Variants in SLC5A10 observed in about 807,000 individuals in gnomAD.
SLC5A10 encodes solute carrier family 5 member 10, also known as sodium/mannose cotransporter SLC5A10.
SLC5A10 carries 55 observed loss-of-function variants against 68.9 expected under a neutral mutation model. The observed-to-expected ratio is 0.80, with a 90% CI of 0.64 to 1.00. The LOEUF (loss-of-function observed/expected upper bound fraction) is 1.00. Ranked by LOEUF, SLC5A10 falls within the 50% of genes least tolerant of loss-of-function variation. The pLI is 0.00. For missense variants in SLC5A10, 732 were observed against 819.3 expected, an observed-to-expected ratio of 0.89 and a Z score of 1.30; for synonymous variants, 344 against 344.8, an observed-to-expected ratio of 1.00 and a Z score of 0.02.
Position 19,015,150 on chromosome 17 carries a change from A to T in SLC5A10, c.1192A>T (p.Arg398Trp), listed in dbSNP as rs767874253. ...SSTLFTMDIW[R>W]RLRPRSGERE... ...CACCCTCTTCACTATGGACATCTGG[A>T]GGCGGCTGCGTCCCCGCTCCGGCGA... Residue 398 changes from arginine to tryptophan, a missense_variant, in exon 11 of 15, where the codon AGG (arginine) becomes TGG (tryptophan). Coordinates refer to ENST00000395645, the MANE Select transcript of SLC5A10 (RefSeq NM_001042450.4). The T allele has an allele frequency of 1.4e-6, 2 of 1,453,176 alleles. No homozygotes were observed. The highest frequency in any genetic ancestry group is 2.9e-5 in the African/African-American group (2 of 69,286). The allele number at this position is 1,453,176 out of a possible 1,614,324, so 90.0% of individuals were successfully genotyped here.
chr17:18,959,729 G>A (rs1473916054), intron 4 of SLC5A10, 66 bp downstream of exon 4: 1 of 1,467,894 alleles, frequency 6.8e-7, no homozygotes, highest in Non-Finnish European at 9.5e-7. Flanking sequence ...GGTAGTAATG[G>A]GCAGGACCAC....
intron 11 of SLC5A10, 165 bp from the exon 12 acceptor site, chr17:19,019,258 C>A: frequency 1.3e-6 from 1 of 783,708 alleles, no homozygotes; most frequent in Non-Finnish European, 2.0e-6. Context: ...TGGAGCAGGG[C>A]AGGACTGGCC....
Position 18,971,008 on chromosome 17 carries a change from T to G in SLC5A10, c.641-5T>G, listed in dbSNP as rs201298825. The G allele has an allele frequency of 7.8e-5, 126 of 1,613,814 alleles. No homozygotes were observed. In the African/African-American group the frequency reaches 1.4e-3, roughly 18 times the overall value. On this transcript the variant is annotated splice_region_variant and splice_polypyrimidine_tract_variant and intron_variant, in intron 7 of 14. Coordinates refer to ENST00000395645, the MANE Select transcript of SLC5A10 (RefSeq NM_001042450.4). This position sits in a 1 kb window ranked among gnomAD's most constrained non-coding sequence, Gnocchi z 5.5. ...ACTGTCCCTGTTCCACCCTGACCCC[T>G]CCAGCTTTTGACCAGATCGGTGGTT... is the stretch of plus-strand genomic sequence containing the variant.
chr17:18,989,375 G>A (rs922324840), intron 9 of SLC5A10, among the ~76,000 whole-genome samples: 15 of 152,224 alleles, frequency 9.9e-5, no homozygotes, highest in Admixed American at 5.2e-4. Flanking sequence ...TGCTGGGGAT[G>A]TGTCTGCACG....
chr17:19,005,048 G>T (rs1844641683), intron 9 of SLC5A10, among the ~76,000 whole-genome samples: 4 of 152,340 alleles, frequency 2.6e-5, no homozygotes, highest in Middle Eastern at 3.4e-3. Context: ...TGCCCCCAGG[G>T]TCTGTTGGTG....
In SLC5A10 at chr17:18,971,102, C is replaced by G. The variant is rs1394733343; in HGVS notation, c.730C>G (p.Leu244Val). 6.2e-7 allele frequency: 1 copy of G among 1,614,122 alleles called. No individual in the cohort carries two copies. Among genetic ancestry groups the G allele is most frequent in the East Asian group, 2.2e-5 (1 of 44,876 alleles). ...SRTIANTTCH[L>V]PRTDAMHMFR... ...GACCATTGCCAACACCACCTGCCAC[C>G]TGCCACGTACAGACGCCATGCACAT... is the stretch of plus-strand genomic sequence containing the variant. Residue 244 changes from leucine to valine, a missense_variant, in exon 8 of 15, where the codon CTG becomes GTG. Coordinates refer to ENST00000395645, the MANE Select transcript of SLC5A10 (RefSeq NM_001042450.4). This position sits in a 1 kb window ranked among gnomAD's most constrained non-coding sequence, Gnocchi z 5.5.
intron 9 of SLC5A10, among the ~76,000 whole-genome samples, chr17:19,007,572 GT>G (rs1242107149): frequency 6.6e-6 from 1 of 151,956 alleles, no homozygotes; most frequent in African/African-American, 2.4e-5. Context: ...CTGGCTAATT[GT>G]TTTTTATTTT....
chr17:18,990,005 C>A (rs563364786), intron 9 of SLC5A10, among the ~76,000 whole-genome samples: 2 of 152,316 alleles, frequency 1.3e-5, no homozygotes, highest in African/African-American at 4.8e-5. Context: ...AACTCCAAGG[C>A]CTAGGGTTCT....
intron 1 of SLC5A10, among the ~76,000 whole-genome samples, chr17:18,957,367 G>T (rs2042524625): frequency 6.6e-6 from 1 of 152,204 alleles, no homozygotes; most frequent in Non-Finnish European, 1.5e-5. Flanking sequence ...AGGCATGTGG[G>T]AATACGTAGG....
At chr17:19,008,838 C>T (rs1011280547) in intron 9 of SLC5A10, among the ~76,000 whole-genome samples, 1 of 141,462 alleles carries the variant, frequency 7.1e-6, no homozygotes, top group African/African-American at 2.7e-5. Flanking sequence ...TTTGAGATAG[C>T]GTCTTGCTGT....
Position 19,003,674 on chromosome 17 carries a change from T to C in SLC5A10, c.983-9736T>C, listed in dbSNP as rs2043792894. ...CAGCTGCGGGATGGAGCGGTCCGAC[T>C]TCTGGGGCCAGTACTCCAGGGAGGG... On this transcript the variant is annotated intron_variant, in intron 9 of 14. Transcript: ENST00000395645. This position sits in a 1 kb window ranked among gnomAD's most constrained non-coding sequence, Gnocchi z 4.5. 1.2e-6 allele frequency: 2 copies of C among 1,611,404 alleles called. No homozygotes were observed. Among genetic ancestry groups the C allele is most frequent in the Non-Finnish European group, 1.7e-6 (2 of 1,179,206 alleles).
At chr17:18,984,112 G>T (rs377551287) in intron 9 of SLC5A10, among the ~76,000 whole-genome samples, 1 of 152,140 alleles carries the variant, frequency 6.6e-6, no homozygotes, top group Non-Finnish European at 1.5e-5. Context: ...GGAGGCCGAG[G>T]CGGGCGGATC....
chr17:18,979,733 G>T, intron 9 of SLC5A10: 1 of 1,597,382 alleles, frequency 6.3e-7, no homozygotes, highest in Non-Finnish European at 8.5e-7. Flanking sequence ...ACAGGGCGAG[G>T]GGAGGACGGC....
rs2074274 is a variant in SLC5A10 at position 18,960,666 on chromosome 17, G to T, written c.453+14G>T. The T allele has an allele frequency of 2.2e-5, 36 of 1,611,264 alleles. 1 individual carries two copies. In the South Asian group the frequency reaches 3.4e-4, roughly 15 times the overall value. On this transcript the variant is annotated intron_variant, in intron 5 of 14. Transcript: ENST00000395645. ...ACCAAGATATCGGTGAGCTGCCCCCGGCTCCCTGCTGGCATAGCCTGGAAA... is the reference window on the plus strand; with the variant it reads ...ACCAAGATATCGGTGAGCTGCCCCCTGCTCCCTGCTGGCATAGCCTGGAAA...
chr17:18,956,728 G>A (rs925693191), intron 1 of SLC5A10, among the ~76,000 whole-genome samples: 3 of 151,856 alleles, frequency 2.0e-5, no homozygotes, highest in African/African-American at 7.3e-5. Context: ...CTCCTTCCTT[G>A]GCCTCCCAAA....
At chr17:18,952,380 C>G in intron 1 of SLC5A10, 64 bp downstream of exon 1, 1 of 1,545,376 alleles carries the variant, frequency 6.5e-7, no homozygotes, top group Non-Finnish European at 8.8e-7. Flanking sequence ...GGGTGGGAAC[C>G]GGGGTCCAGC....
In SLC5A10 at chr17:18,969,141, C is replaced by T. The variant is rs1420193208; in HGVS notation, c.543C>T (p.Ala181=). 5 of 1,614,026 alleles carry T rather than the reference C, an allele frequency of 3.1e-6. No individual in the cohort carries two copies. The highest frequency in any genetic ancestry group is 4.2e-6 in the Non-Finnish European group (5 of 1,179,946). Residue 181 remains alanine, a synonymous_variant, in exon 6 of 15, where the codon GCC becomes GCT. Transcript: ENST00000395645. ...LSTILTLGIT[A]LYTIAGGLAA... The stretch of plus-strand genomic sequence containing the variant: ...CCATCCTCACGCTCGGCATCACAGC[C>T]CTGTACACCATCGCAGGTATGGTGC...
At chr17:18,991,322 G>T (rs543448849) in intron 9 of SLC5A10, among the ~76,000 whole-genome samples, 142 of 152,262 alleles carry the variant, frequency 9.3e-4, no homozygotes, top group Non-Finnish European at 1.7e-3. Context: ...TGGGACCACA[G>T]CCCCTCCTGG....
intron 9 of SLC5A10, among the ~76,000 whole-genome samples, chr17:19,007,139 A>G (rs555849397): frequency 1.5e-4 from 22 of 151,242 alleles, no homozygotes; most frequent in African/African-American, 5.3e-4. Context: ...CTCACCAACA[A>G]TGTATGAGTG....
Sources: allele counts gnomAD v4.1 joint callset (sites outside exome capture counted in the v4.1 genomes callset), GRCh38; gene constraint gnomAD v4.1.1; non-coding constraint Gnocchi (gnomAD v3.1); transcripts MANE v1.5; gene names NCBI Gene and HGNC (gene_info 2026-07-23, HGNC 2026-07-21).